RIC3: variants seen among roughly 807,000 people sequenced by gnomAD.
The protein encoded by RIC3 is protein RIC-3.
A neutral mutation model predicts 27.3 loss-of-function variants in RIC3; 28 were observed. The ratio of observed to expected loss-of-function variants is 1.02; its 90% CI spans 0.76 to 1.41. The LOEUF (loss-of-function observed/expected upper bound fraction) is 1.41. RIC3 is among the 40% of genes most tolerant of loss of function. The pLI is 0.00. For synonymous variants in RIC3, 184 were observed against 160.4 expected (o/e 1.15, Z -1.11); for missense variants, 501 against 444.7 (o/e 1.13, Z -1.14).
At chr11:8,101,902 G>A (rs1326450867), downstream of RIC3, 3 of 419,948 alleles carry the variant, frequency 7.1e-6, no homozygotes, top group African/African-American at 4.0e-5. Flanking sequence ...GTAGTGTGTT[G>A]TAGTCGTACT....
chr11:8,141,830 C>T (rs1949110378), intron 1 of RIC3, among the ~76,000 whole-genome samples: 1 of 152,188 alleles, frequency 6.6e-6, no homozygotes, highest in African/African-American at 2.4e-5. Flanking sequence ...CAAACTCTCT[C>T]AGACCACAGT....
the RIC3 span, chr11:8,097,915 G>T: frequency 1.0e-6 from 1 of 989,552 alleles, no homozygotes; most frequent in Non-Finnish European, 1.6e-6. Context: ...TCCTGAAGGA[G>T]ATCTAGGCCA....
the RIC3 span, among the ~76,000 whole-genome samples, chr11:8,094,605 G>A: frequency 1.7e-3 from 264 of 152,300 alleles, 3 homozygotes; most frequent in East Asian, 0.041. Flanking sequence ...TCAGCTCTTC[G>A]TATAATGTGG....
At chr11:8,102,563 C>T (rs1169375810), downstream of RIC3, 1 of 152,218 alleles carries the variant, frequency 6.6e-6, no homozygotes, top group East Asian at 1.9e-4. Flanking sequence ...TGCCAGAGAA[C>T]CATTCCCAAG....
chr11:8,105,809 CT>C (rs1458914289), downstream of RIC3: 2 of 152,336 alleles, frequency 1.3e-5, no homozygotes, highest in African/African-American at 4.8e-5. Context: ...CTCCCTCCCC[CT>C]AGCAAGGTCC....
At chr11:8,111,853 C>A (rs752599579) in intron 5 of RIC3, among the ~76,000 whole-genome samples, 1 of 152,216 alleles carries the variant, frequency 6.6e-6, no homozygotes, top group Non-Finnish European at 1.5e-5. Flanking sequence ...TGCCAAATTA[C>A]CAAACTAAAT....
chr11:8,151,456 C>T (rs868571551), intron 1 of RIC3, among the ~76,000 whole-genome samples: 6 of 149,694 alleles, frequency 4.0e-5, no homozygotes, highest in African/African-American at 1.2e-4. Flanking sequence ...CATGGTGGCG[C>T]GTGCCTGTAG....
intron 1 of RIC3, among the ~76,000 whole-genome samples, chr11:8,153,638 A>G (rs1045608624): frequency 1.3e-5 from 2 of 151,882 alleles, no homozygotes; most frequent in African/African-American, 4.8e-5. Context: ...TTCTTTCTTT[A>G]TACTTTCCTT....
At chr11:8,099,895 A>G in the RIC3 span, among the ~76,000 whole-genome samples, 2 of 152,236 alleles carry the variant, frequency 1.3e-5, no homozygotes, top group Non-Finnish European at 2.9e-5. Context: ...GATACCAGGC[A>G]GTAAATGGTG....
the RIC3 span, chr11:8,101,018 T>C: frequency 6.2e-7 from 1 of 1,613,814 alleles, no homozygotes; most frequent in South Asian, 1.1e-5. Context: ...CTGTCCCTAC[T>C]CATTATGGTC....
intron 1 of RIC3, among the ~76,000 whole-genome samples, chr11:8,162,818 A>G (rs534212070): frequency 2.8e-4 from 42 of 150,756 alleles, no homozygotes. Context: ...GCTAATTTTT[A>G]TATTTTTAGT....
chr11:8,099,078 C>T, the RIC3 span, among the ~76,000 whole-genome samples: 2 of 152,042 alleles, frequency 1.3e-5, no homozygotes, highest in Admixed American at 6.6e-5. Flanking sequence ...CACAGCCGGC[C>T]ATCTGCTTGG....
chr11:8,097,601 A>C, the RIC3 span: 1 of 1,296,336 alleles, frequency 7.7e-7, no homozygotes, highest in Non-Finnish European at 1.1e-6. Flanking sequence ...GTGTGTGTGC[A>C]CATATGTGCG....
rs1945005173 is a variant in RIC3, at chr11:8,109,383, C to T, written c.*1315G>A. 6.6e-6 allele frequency: 1 copy of T among 152,154 alleles called. No homozygotes were observed. Among genetic ancestry groups the T allele is most frequent in the African/African-American group, 2.4e-5 (1 of 41,436 alleles). The allele number at this position is 152,154 out of a possible 1,614,324, so 9.4% of individuals were successfully genotyped here. A position where few individuals can be genotyped will look rare whatever the true frequency, so the allele number is the denominator to read the frequency against. ...TACATGTAAACTGAATTCACACATACCTCATGATGTAATTCATGGGTGCTA... is the reference window on the plus strand; with the variant it reads ...TACATGTAAACTGAATTCACACATATCTCATGATGTAATTCATGGGTGCTA... On this transcript the variant is annotated 3_prime_UTR_variant, in exon 6 of 6. Coordinates refer to ENST00000309737, the MANE Select transcript of RIC3 (RefSeq NM_001206671.4).
chr11:8,123,817 T>C (rs1031210622), intron 5 of RIC3, among the ~76,000 whole-genome samples: 1 of 151,682 alleles, frequency 6.6e-6, no homozygotes, highest in African/African-American at 2.4e-5. Flanking sequence ...GACCAGAAGA[T>C]TGCTTAAGAG....
chr11:8,168,714 T>C (rs1951984713), intron 1 of RIC3, 152 bp downstream of exon 1: 1 of 1,167,294 alleles, frequency 8.6e-7, no homozygotes, highest in Non-Finnish European at 1.2e-6. Context: ...CCGTGGGCAT[T>C]GGCCCTTCAA....
downstream of RIC3, chr11:8,102,294 T>C (rs1055183972): frequency 2.6e-5 from 4 of 152,066 alleles, no homozygotes; most frequent in Admixed American, 6.5e-5. Flanking sequence ...GCGCATTTGA[T>C]TTCTCCAGGT....
At chr11:8,119,069 G>C (rs1946178425) in intron 5 of RIC3, among the ~76,000 whole-genome samples, 1 of 152,146 alleles carries the variant, frequency 6.6e-6, no homozygotes, top group African/African-American at 2.4e-5. Context: ...TCTAGAATGA[G>C]AGAACAAAAT....
In RIC3 at chr11:8,138,547, G is replaced by A. The variant is rs191812335; in HGVS notation, c.352-200C>T. 9.7e-6 allele frequency: 5 copies of A among 514,150 alleles called. No homozygotes were observed. In the East Asian group the frequency reaches 1.5e-4, roughly 16 times the overall value. 31.8% of individuals were successfully genotyped at this position (514,150 alleles called of 1,614,324 possible). ...CAAGTAAAAAATTATCAAAGCACAA[G>A]TGTAAAAAGTAAAGTAGAGATTCCT... On this transcript the variant is annotated intron_variant, in intron 2 of 5. Transcript: ENST00000309737.
Sources: gnomAD v4.1 joint callset for allele counts (sites outside exome capture counted in the v4.1 genomes callset) on GRCh38, gnomAD v4.1.1 for gene constraint, MANE v1.5 for transcripts, NCBI Gene and HGNC (gene_info 2026-07-23, HGNC 2026-07-21) for gene names.